The following CDH18 variants were observed in gnomAD, a reference collection of about 807,000 sequenced individuals.
CDH18 encodes the protein cadherin 18, also known as cadherin-18.
A neutral mutation model predicts 67.9 loss-of-function variants in CDH18; 31 were observed. The observed-to-expected ratio is 0.46, with a 90% CI of 0.34 to 0.62. The LOEUF (loss-of-function observed/expected upper bound fraction) is 0.62. Among genes scored for constraint, CDH18 ranks in the 20% least tolerant of loss-of-function variants. The pLI is 0.01. For synonymous variants in CDH18, 362 were observed against 347.2 expected, an observed-to-expected ratio of 1.04 and a Z score of -0.48; for missense variants, 890 against 975.5, an observed-to-expected ratio of 0.91 and a Z score of 1.17.
At chr5:20,562,505 C>A (rs1758275943) in intron 1 of CDH18, among the ~76,000 whole-genome samples, 1 of 151,418 alleles carries the variant, frequency 6.6e-6, no homozygotes, top group Non-Finnish European at 1.5e-5. Context: ...GATCTGAATA[C>A]TGTATATGAT....
chr5:20,352,624 C>CAAAAAAAAAAA (rs35947411), intron 1 of CDH18, among the ~76,000 whole-genome samples: 30 of 88,802 alleles, frequency 3.4e-4, no homozygotes, highest in African/African-American at 1.0e-3. Context: ...ACTAAAAATA[C>CAAAAAAAAAAA]AAAAAAAAAA....
At chr5:19,974,633 G>A (rs1579899899) in intron 2 of CDH18, among the ~76,000 whole-genome samples, 2 of 152,008 alleles carry the variant, frequency 1.3e-5, no homozygotes, top group Admixed American at 6.6e-5. Context: ...AGTCAGGGAG[G>A]GTATGGGGAC....
intron 2 of CDH18, among the ~76,000 whole-genome samples, chr5:20,147,859 C>G (rs548339668): frequency 6.6e-6 from 1 of 152,008 alleles, no homozygotes. Context: ...GTTCTACTTA[C>G]CAATGTGAAT....
chr5:20,052,337 G>C (rs139857891), intron 2 of CDH18, among the ~76,000 whole-genome samples: 2,937 of 152,092 alleles, frequency 0.019, 44 homozygotes, highest in Non-Finnish European at 0.03. Flanking sequence ...AGACTTAATG[G>C]GAGTCCAAGG....
chr5:20,373,026 C>A lies in CDH18; in HGVS notation c.-579-117521G>T, dbSNP rs537493351. Among the ~76,000 whole-genome samples the A allele has an allele frequency of 2.8e-3, 428 of 152,264 alleles. 1 individual carries two copies. The highest frequency in any genetic ancestry group is 6.8e-3 in the Middle Eastern group (2 of 294). On this transcript the variant is annotated intron_variant, in intron 1 of 14. Coordinates refer to the CDH18 transcript ENST00000507958. ...CAATGACAGACATTAATGACAGGAA[C>A]AAATGCCCATATTGTTATTGTTGAT...
At chr5:20,010,647 C>T (rs1737354112) in intron 2 of CDH18, among the ~76,000 whole-genome samples, 1 of 152,086 alleles carries the variant, frequency 6.6e-6, no homozygotes, top group Non-Finnish European at 1.5e-5. Context: ...TAACATTAAC[C>T]ATACTTTTCT....
chr5:20,195,921 C>T (rs867696102), intron 2 of CDH18, among the ~76,000 whole-genome samples: 63 of 151,908 alleles, frequency 4.1e-4, no homozygotes, highest in South Asian at 6.2e-4. Flanking sequence ...CTCAAAAATT[C>T]CAATCACTTA....
chr5:19,998,722 G>C (rs961197884), intron 2 of CDH18, among the ~76,000 whole-genome samples: 2 of 152,062 alleles, frequency 1.3e-5, no homozygotes, highest in Non-Finnish European at 2.9e-5. Context: ...AAAATAAGCA[G>C]TCATAGATGC....
At chr5:19,759,078 AG>A (rs1772001287) in intron 3 of CDH18, among the ~76,000 whole-genome samples, 1 of 152,228 alleles carries the variant, frequency 6.6e-6, no homozygotes, top group Non-Finnish European at 1.5e-5. Flanking sequence ...ATGGAGAAAA[AG>A]GCATTTGCCA....
chr5:20,481,547 G>T (rs1007953607), intron 1 of CDH18, among the ~76,000 whole-genome samples: 3 of 152,056 alleles, frequency 2.0e-5, no homozygotes, highest in African/African-American at 7.2e-5. Context: ...TATTCTCAAG[G>T]ATAGACCATA....
intron 2 of CDH18, among the ~76,000 whole-genome samples, chr5:20,121,421 G>A (rs1748341196): frequency 6.6e-6 from 1 of 151,878 alleles, no homozygotes; most frequent in African/African-American, 2.4e-5. Flanking sequence ...ATTAAATCCT[G>A]TTTTTTTGTT....
At chr5:20,381,990 C>T (rs1427196946) in intron 1 of CDH18, among the ~76,000 whole-genome samples, 1 of 152,016 alleles carries the variant, frequency 6.6e-6, no homozygotes, top group Non-Finnish European at 1.5e-5. Context: ...AAAGTTATTA[C>T]ATTAATTTTT....
At position 20,378,345 on chromosome 5, in the gene CDH18, G is replaced by C. The variant is rs1486542372; in HGVS notation, c.-579-122840C>G. On this transcript the variant is annotated intron_variant, in intron 1 of 14. Transcript: ENST00000507958. ...CACCACCACGCCCAGCTAATTTTTG[G>C]TATTTTTAGTAGAGACGGGGTTTCA... Among the ~76,000 whole-genome samples the C allele has an allele frequency of 2.0e-5, 3 of 151,958 alleles. No homozygotes were observed. In the South Asian group the frequency reaches 6.2e-4, roughly 32 times the overall value.
chr5:19,750,964 T>A (rs1050115590), intron 3 of CDH18, among the ~76,000 whole-genome samples: 5 of 152,042 alleles, frequency 3.3e-5, no homozygotes, highest in Non-Finnish European at 7.4e-5. Context: ...CAAAGTAGGC[T>A]AAATTAACTG....
At chr5:19,892,528 T>C (rs1437388685) in intron 2 of CDH18, among the ~76,000 whole-genome samples, 1 of 152,146 alleles carries the variant, frequency 6.6e-6, no homozygotes, top group African/African-American at 2.4e-5. Flanking sequence ...GTAATCCTCA[T>C]GTGCATTTCC....
Position 19,725,076 on chromosome 5 carries a change from G to A in CDH18, c.524-3610C>T, listed in dbSNP as rs184963333. Among the ~76,000 whole-genome samples the A allele has an allele frequency of 4.7e-3, 719 of 151,966 alleles. 2 individuals carry two copies. The highest frequency in any genetic ancestry group is 0.01 in the Middle Eastern group (3 of 294). ...TGAGTAGCTGGGACTACAGGCGCCC[G>A]CCACCACGCCTGGCTAAATTTTTGT... On this transcript the variant is annotated intron_variant, in intron 4 of 12. Coordinates refer to ENST00000382275, the MANE Select transcript of CDH18 (RefSeq NM_004934.5).
At chr5:19,513,102 T>C (rs1745381615) in intron 10 of CDH18, among the ~76,000 whole-genome samples, 1 of 151,886 alleles carries the variant, frequency 6.6e-6, no homozygotes, top group African/African-American at 2.4e-5. Flanking sequence ...TCCTTATTTA[T>C]TTATTTATAT....
intron 5 of CDH18, among the ~76,000 whole-genome samples, chr5:19,718,541 A>G (rs982151468): frequency 6.6e-6 from 1 of 152,004 alleles, no homozygotes; most frequent in African/African-American, 2.4e-5. Context: ...TTTTAAGCAC[A>G]AATTGCCAAA....
intron 2 of CDH18, among the ~76,000 whole-genome samples, chr5:20,046,725 C>T (rs1255365257): frequency 1.3e-5 from 2 of 150,568 alleles, no homozygotes; most frequent in Non-Finnish European, 3.0e-5. Flanking sequence ...GAAGTCAACA[C>T]ATGAAATGTT....
Sources: gnomAD v4.1 joint callset for allele counts (sites outside exome capture counted in the v4.1 genomes callset) on GRCh38, gnomAD v4.1.1 for gene constraint, MANE v1.5 for transcripts, NCBI Gene and HGNC (gene_info 2026-07-23, HGNC 2026-07-21) for gene names.